ASIC2: variants seen among roughly 807,000 people sequenced by gnomAD.
ASIC2 encodes acid sensing ion channel subunit 2, also known as acid-sensing ion channel 2.
Under a neutral mutation model 57.3 loss-of-function variants are expected in ASIC2, and 25 were observed. That is an observed-to-expected ratio of 0.44 (90% CI 0.32 to 0.61). The LOEUF (loss-of-function observed/expected upper bound fraction) is 0.61, where lower values mean the gene tolerates loss of function less well. ASIC2 is among the 20% of genes least tolerant of loss of function. The pLI, the probability that ASIC2 is intolerant of heterozygous loss-of-function variation, is 0.06. For missense variants in ASIC2, 641 were observed against 738.1 expected (o/e 0.87, Z 1.52); for synonymous variants, 319 against 307.5 (o/e 1.04, Z -0.39).
intron 1 of ASIC2, among the ~76,000 whole-genome samples, chr17:33,939,282 C>T (rs1916133748): frequency 6.6e-6 from 1 of 152,208 alleles, no homozygotes; most frequent in African/African-American, 2.4e-5. Context: ...TTGCCCTGTG[C>T]AGTAGAGAAA....
chr17:33,041,080 C>T (rs1320321762), intron 3 of ASIC2, among the ~76,000 whole-genome samples: 1 of 152,150 alleles, frequency 6.6e-6, no homozygotes, highest in Non-Finnish European at 1.5e-5. Flanking sequence ...TCTTGAGGCA[C>T]ATCTCCAGAG....
chr17:33,927,576 C>T (rs1597933669), intron 1 of ASIC2, among the ~76,000 whole-genome samples: 1 of 152,206 alleles, frequency 6.6e-6, no homozygotes, highest in Admixed American at 6.5e-5. Flanking sequence ...GCTTCCCAGC[C>T]TTCGGGACTG....
At position 33,683,960 on chromosome 17, in the gene ASIC2, C is replaced by T. The variant is rs146900578; in HGVS notation, c.555+472018G>A. ...GGTACTGGGAGCTAGGACACTCCAA[C>T]GTACGAATTTAGGGGGAGGAATACG... On this transcript the variant is annotated intron_variant, in intron 1 of 9. Transcript: ENST00000359872. 3.5e-3 allele frequency among the ~76,000 whole-genome samples: 534 copies of T among 152,316 alleles called. 2 individuals are homozygous for T. The highest frequency in any genetic ancestry group is 0.012 in the African/African-American group (509 of 41,568).
At chr17:33,442,661 G>A (rs1419272895) in intron 1 of ASIC2, among the ~76,000 whole-genome samples, 1 of 150,686 alleles carries the variant, frequency 6.6e-6, no homozygotes, top group Admixed American at 6.6e-5. Context: ...TAGTTTCTGG[G>A]TTTTTTTTTC....
chr17:33,585,923 A>G (rs1193930830), intron 1 of ASIC2, among the ~76,000 whole-genome samples: 1 of 152,194 alleles, frequency 6.6e-6, no homozygotes, highest in Non-Finnish European at 1.5e-5. Flanking sequence ...GAGCCTCTCC[A>G]CTAGTGTCCT....
chr17:33,035,151 A>G (rs780277614), intron 3 of ASIC2, among the ~76,000 whole-genome samples: 11 of 152,130 alleles, frequency 7.2e-5, no homozygotes, highest in Non-Finnish European at 1.5e-4. Flanking sequence ...TGTGATTTTC[A>G]GTTCTAGGGC....
intron 1 of ASIC2, chr17:33,954,909 T>C (rs909036415): frequency 1.1e-4 from 17 of 152,224 alleles, no homozygotes; most frequent in African/African-American, 4.1e-4. Flanking sequence ...TTCAAAACCC[T>C]AAATAGACTG....
Position 33,302,117 on chromosome 17 carries a change from C to T in ASIC2, c.556-190050G>A, listed in dbSNP as rs369809625. ...CCTCAGCATCCCTTGCCTATCATTG[C>T]TTTATTATCAGTTTAGATAACTGAG... On this transcript the variant is annotated intron_variant, in intron 1 of 9. Coordinates refer to the ASIC2 transcript ENST00000359872. 1.0e-3 allele frequency among the ~76,000 whole-genome samples: 152 copies of T among 152,314 alleles called. 6 individuals are homozygous for T. The South Asian group carries it at 0.029, about 29-fold the overall frequency.
chr17:33,423,678 G>A (rs1911118944), intron 1 of ASIC2, among the ~76,000 whole-genome samples: 1 of 147,914 alleles, frequency 6.8e-6, no homozygotes, highest in Non-Finnish European at 1.5e-5. Flanking sequence ...ATTGGCTGCT[G>A]CAGCTCAGTG....
At chr17:33,940,908 G>C (rs1567763110) in intron 1 of ASIC2, among the ~76,000 whole-genome samples, 1 of 152,228 alleles carries the variant, frequency 6.6e-6, no homozygotes, top group Non-Finnish European at 1.5e-5. Flanking sequence ...AGAAAGCCAG[G>C]GCAGCTGTAG....
intron 1 of ASIC2, among the ~76,000 whole-genome samples, chr17:33,683,356 G>T (rs755957472): frequency 6.6e-6 from 1 of 152,150 alleles, no homozygotes; most frequent in Non-Finnish European, 1.5e-5. Flanking sequence ...GTGAGCCACC[G>T]CACCTTGCCT....
At chr17:33,855,035 A>G (rs572479699) in intron 1 of ASIC2, among the ~76,000 whole-genome samples, 1 of 152,258 alleles carries the variant, frequency 6.6e-6, no homozygotes, top group Non-Finnish European at 1.5e-5. Flanking sequence ...TCCTTCTGAG[A>G]TGGGGGCAGG....
chr17:33,015,853 A>G (rs1009766146), intron 9 of ASIC2, 118 bp downstream of exon 9: 4 of 1,058,262 alleles, frequency 3.8e-6, no homozygotes, highest in Non-Finnish European at 5.6e-6. Flanking sequence ...GCATGTCCCA[A>G]GCCATGGAAA....
chr17:33,455,192 T>A (rs923070172), intron 1 of ASIC2, among the ~76,000 whole-genome samples: 2 of 152,348 alleles, frequency 1.3e-5, no homozygotes, highest in African/African-American at 4.8e-5. Flanking sequence ...ATTTTGTCAT[T>A]TTTCCAACTT....
chr17:33,852,546 C>G (rs1282680994), intron 1 of ASIC2, among the ~76,000 whole-genome samples: 2 of 152,126 alleles, frequency 1.3e-5, no homozygotes, highest in East Asian at 3.9e-4. Flanking sequence ...CCCATCTACA[C>G]TTAATAATTT....
chr17:33,618,570 C>A (rs1057061789), intron 1 of ASIC2, among the ~76,000 whole-genome samples: 59 of 152,274 alleles, frequency 3.9e-4, no homozygotes, highest in African/African-American at 1.4e-3. Flanking sequence ...CAGCCCTGAA[C>A]AATGTTTGCA....
chr17:33,437,484 C>T (rs1334203138), intron 1 of ASIC2, among the ~76,000 whole-genome samples: 2 of 152,100 alleles, frequency 1.3e-5, no homozygotes, highest in Non-Finnish European at 2.9e-5. Flanking sequence ...ACATATCTGT[C>T]AGGCCACCTT....
intron 1 of ASIC2, among the ~76,000 whole-genome samples, chr17:33,448,557 G>A (rs922906848): frequency 8.5e-5 from 13 of 152,182 alleles, no homozygotes; most frequent in Admixed American, 8.5e-4. Flanking sequence ...CTGGAGTGAT[G>A]TGGCTACAAG....
chr17:34,074,402 C>A (rs1186018355), intron 1 of ASIC2, among the ~76,000 whole-genome samples: 1 of 152,164 alleles, frequency 6.6e-6, no homozygotes, highest in African/African-American at 2.4e-5. Flanking sequence ...TTGATCTGAA[C>A]CTGGGTCATT....
Sources: allele counts gnomAD v4.1 joint callset (sites outside exome capture counted in the v4.1 genomes callset), GRCh38; gene constraint gnomAD v4.1.1; transcripts MANE v1.5; gene names NCBI Gene and HGNC (gene_info 2026-07-23, HGNC 2026-07-21).